Variants in RORA observed in about 807,000 individuals in gnomAD.
RORA encodes RAR related orphan receptor A.
RORA carries 7 observed loss-of-function variants against 69.5 expected under a neutral mutation model. That is an observed-to-expected ratio of 0.10 (90% CI 0.06 to 0.19). The LOEUF is 0.19. Among genes scored for constraint, RORA ranks in the 10% least tolerant of loss-of-function variants. RORA has a pLI of 1.00. For missense variants in RORA, 457 were observed against 663.0 expected, an observed-to-expected ratio of 0.69 and a Z score of 3.41; for synonymous variants, 261 against 240.8, an observed-to-expected ratio of 1.08 and a Z score of -0.78.
chr15:60,764,339 T>G (rs1012330130), intron 1 of RORA, among the ~76,000 whole-genome samples: 7 of 152,094 alleles, frequency 4.6e-5, no homozygotes, highest in African/African-American at 1.7e-4. Flanking sequence ...GAGTCTTTGA[T>G]TTTTCTCTGG....
At chr15:60,811,595 T>C (rs907013084) in intron 1 of RORA, among the ~76,000 whole-genome samples, 1 of 152,254 alleles carries the variant, frequency 6.6e-6, no homozygotes, top group Non-Finnish European at 1.5e-5. Context: ...GTGTTTAACA[T>C]AGTAAAACAG....
chr15:60,933,012 G>T (rs1566914417), intron 1 of RORA, among the ~76,000 whole-genome samples: 2 of 151,990 alleles, frequency 1.3e-5, no homozygotes, highest in Admixed American at 1.3e-4. Flanking sequence ...TTTCCAGGTT[G>T]CCCCCCACAG....
At chr15:60,959,297 A>G (rs980250594) in intron 1 of RORA, among the ~76,000 whole-genome samples, 1 of 152,186 alleles carries the variant, frequency 6.6e-6, no homozygotes, top group Admixed American at 6.5e-5. Context: ...TTAAAAAATC[A>G]TTTTCCTGAA....
chr15:61,221,132 T>C (rs1255637293), intron 1 of RORA, among the ~76,000 whole-genome samples: 1 of 152,230 alleles, frequency 6.6e-6, no homozygotes, highest in Middle Eastern at 3.2e-3. Flanking sequence ...AAGCATACAG[T>C]TGACTGTCAA....
rs530383038 is a variant in RORA, at chr15:60,932,165, T to C, written c.167-253479A>G. On this transcript the variant is annotated intron_variant, in intron 1 of 10. Transcript: ENST00000335670. ...TGGAGTAGAAAGAATTCATGGTATT[T>C]GAAATGTCCAAGATTACTAATGAGG... Among the ~76,000 whole-genome samples, 5 of 152,248 alleles carry C rather than the reference T, an allele frequency of 3.3e-5. No homozygotes were observed. The East Asian group carries it at 9.7e-4, about 29-fold the overall frequency.
intron 1 of RORA, among the ~76,000 whole-genome samples, chr15:60,729,435 T>A (rs2071402684): frequency 6.6e-6 from 1 of 152,194 alleles, no homozygotes; most frequent in South Asian, 2.1e-4. Context: ...TGGATTCTAG[T>A]CCCAGATTAG....
At chr15:60,562,780 T>C (rs1402731680) in intron 2 of RORA, among the ~76,000 whole-genome samples, 2 of 152,126 alleles carry the variant, frequency 1.3e-5, no homozygotes, top group Non-Finnish European at 2.9e-5. Context: ...TCTTGCTATG[T>C]TGCCCAGGCT....
intron 1 of RORA, among the ~76,000 whole-genome samples, chr15:60,733,116 G>T (rs1246678529): frequency 6.6e-6 from 1 of 152,204 alleles, no homozygotes; most frequent in African/African-American, 2.4e-5. Flanking sequence ...ATAAGTTGGA[G>T]ACTCAATTAT....
At chr15:60,897,551 C>T (rs1891263203) in intron 1 of RORA, among the ~76,000 whole-genome samples, 1 of 152,246 alleles carries the variant, frequency 6.6e-6, no homozygotes, top group Admixed American at 6.5e-5. Context: ...GTTTCCATGT[C>T]TGATTTACCC....
intron 2 of RORA, among the ~76,000 whole-genome samples, chr15:60,538,067 C>G (rs1440548973): frequency 6.6e-6 from 1 of 152,190 alleles, no homozygotes; most frequent in Non-Finnish European, 1.5e-5. Flanking sequence ...GGTTAAATGG[C>G]TTCTTCTCTA....
At chr15:60,512,848 C>T (rs1280904382) in intron 4 of RORA, among the ~76,000 whole-genome samples, 1 of 152,092 alleles carries the variant, frequency 6.6e-6, no homozygotes, top group African/African-American at 2.4e-5. Context: ...TAACTGAAAA[C>T]AAAAACACAC....
At chr15:61,175,714 C>A (rs147714457) in intron 1 of RORA, among the ~76,000 whole-genome samples, 1 of 151,992 alleles carries the variant, frequency 6.6e-6, no homozygotes, top group African/African-American at 2.4e-5. Flanking sequence ...AAAACCCAGT[C>A]TCGAATAAAA....
intron 2 of RORA, among the ~76,000 whole-genome samples, chr15:60,566,696 T>C (rs1199831316): frequency 6.6e-6 from 1 of 152,126 alleles, no homozygotes; most frequent in Non-Finnish European, 1.5e-5. Context: ...GGAAGATTAT[T>C]TGTCATTTGA....
At chr15:60,838,493 G>A (rs2073149022) in intron 1 of RORA, among the ~76,000 whole-genome samples, 3 of 152,188 alleles carry the variant, frequency 2.0e-5, no homozygotes, top group Admixed American at 2.0e-4. Flanking sequence ...GTGCAGGGCT[G>A]CCACTCTGTC....
intron 1 of RORA, among the ~76,000 whole-genome samples, chr15:60,726,435 G>C (rs1215115230): frequency 2.0e-5 from 3 of 152,234 alleles, no homozygotes; most frequent in Non-Finnish European, 1.5e-5. Context: ...AGCACCTACT[G>C]TGTGCAAGGC....
intron 1 of RORA, among the ~76,000 whole-genome samples, chr15:61,082,988 C>T (rs1194505182): frequency 6.6e-6 from 1 of 152,142 alleles, no homozygotes; most frequent in African/African-American, 2.4e-5. Flanking sequence ...GGAAGGGCTC[C>T]TGACTCCTCC....
intron 1 of RORA, among the ~76,000 whole-genome samples, chr15:61,139,213 A>C (rs2079274476): frequency 6.6e-6 from 1 of 152,168 alleles, no homozygotes; most frequent in South Asian, 2.1e-4. Context: ...GCTAATATGC[A>C]CTGAGAAGCA....
At position 61,128,376 on chromosome 15, in the gene RORA, G is replaced by T. The variant is rs1327083410; in HGVS notation, c.166+100677C>A. On this transcript the variant is annotated intron_variant, in intron 1 of 10. Coordinates refer to ENST00000335670, the MANE Select transcript of RORA (RefSeq NM_134261.3). This position sits in a 1 kb window ranked among gnomAD's most constrained non-coding sequence, Gnocchi z 4.5. ...TAAACAGTATATAAACTTAAAATCAGTCACATGAAATGTGCAGGATCTCAA... is the reference window on the plus strand; with the variant it reads ...TAAACAGTATATAAACTTAAAATCATTCACATGAAATGTGCAGGATCTCAA... Among the ~76,000 whole-genome samples the T allele has an allele frequency of 3.3e-5, 5 of 152,098 alleles. No individual in the cohort carries two copies. The highest frequency in any genetic ancestry group is 1.2e-4 in the African/African-American group (5 of 41,410).
chr15:60,585,808 G>T (rs2068318514), intron 2 of RORA, among the ~76,000 whole-genome samples: 2 of 152,024 alleles, frequency 1.3e-5, no homozygotes, highest in African/African-American at 2.4e-5. Context: ...CCCTTCCACA[G>T]TTACATTTCT....
Sources: allele counts gnomAD v4.1 joint callset (sites outside exome capture counted in the v4.1 genomes callset), GRCh38; gene constraint gnomAD v4.1.1; non-coding constraint Gnocchi (gnomAD v3.1); transcripts MANE v1.5; gene names NCBI Gene and HGNC (gene_info 2026-07-23, HGNC 2026-07-21).